The following PVT1 variants were observed in gnomAD, a reference collection of about 807,000 sequenced individuals.
PVT1 encodes Pvt1 oncogene, also known as CXCR4/PVT1 fusion.
At chr8:127,809,110 G>T (rs1395396596) in intron 2 of PVT1, among the ~76,000 whole-genome samples, 1 of 149,966 alleles carries the variant, frequency 6.7e-6, no homozygotes, top group Non-Finnish European at 1.5e-5. Flanking sequence ...TTTGAGGGAA[G>T]AGTTAGCTAG....
At chr8:128,016,217 C>T (rs544081962) in intron 4 of PVT1, among the ~76,000 whole-genome samples, 5 of 151,170 alleles carry the variant, frequency 3.3e-5, no homozygotes, top group Admixed American at 6.6e-5. Flanking sequence ...GTGGAGATTG[C>T]GGTGAACCAA....
chr8:128,007,158 A>G (rs1470892122), intron 4 of PVT1, among the ~76,000 whole-genome samples: 3 of 152,274 alleles, frequency 2.0e-5, no homozygotes, highest in Admixed American at 6.5e-5. Flanking sequence ...TGTAACTGCA[A>G]CGCATGACTG....
chr8:127,944,452 A>G (rs1446430764), intron 3 of PVT1, among the ~76,000 whole-genome samples: 1 of 152,172 alleles, frequency 6.6e-6, no homozygotes, highest in Admixed American at 6.5e-5. Flanking sequence ...TGTCTGTAAA[A>G]TGGGAACAAT....
At chr8:127,957,335 G>C (rs141882029) in intron 3 of PVT1, among the ~76,000 whole-genome samples, 2 of 152,112 alleles carry the variant, frequency 1.3e-5, no homozygotes, top group Admixed American at 6.5e-5. Flanking sequence ...ATGCGAGACC[G>C]AGGTGGGCAG....
intron 3 of PVT1, among the ~76,000 whole-genome samples, chr8:127,971,009 G>A (rs1170164510): frequency 6.6e-6 from 1 of 152,198 alleles, no homozygotes; most frequent in Non-Finnish European, 1.5e-5. Context: ...TGTGCTATCA[G>A]TGCTGCTTAG....
At chr8:127,890,387 T>C (rs989993004) in intron 2 of PVT1, among the ~76,000 whole-genome samples, 1 of 152,130 alleles carries the variant, frequency 6.6e-6, no homozygotes, top group Admixed American at 6.5e-5. Flanking sequence ...GTCTGAGAGG[T>C]CCTTCGTACC....
chr8:127,834,190 C>T (rs1447006102), intron 2 of PVT1, among the ~76,000 whole-genome samples: 2 of 152,022 alleles, frequency 1.3e-5, no homozygotes, highest in Non-Finnish European at 2.9e-5. Context: ...GCTACAGTAG[C>T]CAAAACAGCA....
At chr8:127,882,728 C>G (rs1349355431) in intron 2 of PVT1, among the ~76,000 whole-genome samples, 11 of 152,260 alleles carry the variant, frequency 7.2e-5, no homozygotes, top group Middle Eastern at 3.4e-3. Flanking sequence ...AGGTGATCCA[C>G]CTCCTCGGCC....
intron 2 of PVT1, among the ~76,000 whole-genome samples, chr8:127,840,948 G>A (rs1014174825): frequency 6.6e-6 from 1 of 152,256 alleles, no homozygotes; most frequent in African/African-American, 2.4e-5. Flanking sequence ...AGTTCTGTCA[G>A]GTTCTGCTGC....
At chr8:127,923,341 TCA>T (rs1396418682) in intron 3 of PVT1, among the ~76,000 whole-genome samples, 1 of 152,362 alleles carries the variant, frequency 6.6e-6, no homozygotes, top group East Asian at 1.9e-4. Context: ...CAGGTTCATG[TCA>T]CACAGCTGAT....
intron 3 of PVT1, among the ~76,000 whole-genome samples, chr8:127,896,961 C>A (rs889883969): frequency 1.3e-5 from 2 of 152,218 alleles, no homozygotes; most frequent in Middle Eastern, 6.8e-3. Flanking sequence ...GGTGGCTGAC[C>A]TCACCCCATG....
intron 4 of PVT1, among the ~76,000 whole-genome samples, chr8:128,051,750 G>A (rs1387098294): frequency 6.6e-6 from 1 of 151,966 alleles, no homozygotes; most frequent in East Asian, 1.9e-4. Context: ...TTTCAGTTCA[G>A]TCATTTTGCT....
At position 127,930,174 on chromosome 8, in the gene PVT1, TG is replaced by T. The variant is rs202065185; in HGVS notation, n.782+39179del. On this transcript the variant is annotated intron_variant and non_coding_transcript_variant, in intron 3 of 10. Coordinates refer to ENST00000651587, the Ensembl canonical transcript of PVT1. ...GTGCGGAATTATTATTATTTTTTTTTGGGACAGAGTCTCACTCTGTTGCTCA... is the reference window on the plus strand; with the variant it reads ...GTGCGGAATTATTATTATTTTTTTTTGGACAGAGTCTCACTCTGTTGCTCA... Among the ~76,000 whole-genome samples, 823 of 152,258 alleles carry T rather than the reference TG, an allele frequency of 5.4e-3. 14 individuals carry two copies. Among genetic ancestry groups the T allele is most frequent in the African/African-American group, 0.019 (786 of 41,554 alleles).
chr8:127,978,783 GACC>G (rs1444323054), intron 3 of PVT1, among the ~76,000 whole-genome samples: 1 of 151,924 alleles, frequency 6.6e-6, no homozygotes, highest in East Asian at 1.9e-4. Flanking sequence ...ACCGCACCCG[GACC>G]ATTATTATTA....
intron 2 of PVT1, among the ~76,000 whole-genome samples, chr8:127,870,471 G>A (rs1243057544): frequency 6.6e-6 from 1 of 152,192 alleles, no homozygotes; most frequent in Non-Finnish European, 1.5e-5. Flanking sequence ...AATTTGTTAT[G>A]GCTGCCCTCA....
At chr8:127,965,573 A>G (rs1816694525) in intron 3 of PVT1, among the ~76,000 whole-genome samples, 1 of 152,204 alleles carries the variant, frequency 6.6e-6, no homozygotes, top group Non-Finnish European at 1.5e-5. Flanking sequence ...TTAAAGCCAA[A>G]TGGCCATCCT....
chr8:127,879,547 A>AAAAC (rs746420805), intron 2 of PVT1, among the ~76,000 whole-genome samples: 28 of 152,118 alleles, frequency 1.8e-4, no homozygotes, highest in African/African-American at 6.3e-4. Flanking sequence ...AAAACAAAAC[A>AAAAC]AAACAAACAA....
chr8:127,863,109 TA>T (rs879800496), intron 2 of PVT1, among the ~76,000 whole-genome samples: 105 of 150,330 alleles, frequency 7.0e-4, no homozygotes, highest in Admixed American at 1.4e-3. Context: ...TTTATTTATT[TA>T]TTTATTTATT....
At chr8:128,093,590 G>A (rs927432581) in intron 5 of PVT1, among the ~76,000 whole-genome samples, 1 of 152,022 alleles carries the variant, frequency 6.6e-6, no homozygotes, top group African/African-American at 2.4e-5. Context: ...TTGCTATAAG[G>A]CTTGAAAGAG....
Sources: gnomAD v4.1 joint callset for allele counts (sites outside exome capture counted in the v4.1 genomes callset) on GRCh38, gnomAD v4.1.1 for gene constraint, MANE v1.5 for transcripts, NCBI Gene and HGNC (gene_info 2026-07-23, HGNC 2026-07-21) for gene names.